The following SGCZ variants were observed in gnomAD, a reference collection of about 807,000 sequenced individuals.
The protein encoded by SGCZ is zeta-sarcoglycan.
A neutral mutation model predicts 41.3 loss-of-function variants in SGCZ; 40 were observed. The observed-to-expected ratio is 0.97, with a 90% CI of 0.75 to 1.26. The LOEUF is 1.26. Among genes scored for constraint, SGCZ ranks in the 50% most tolerant of loss-of-function variants. SGCZ has a pLI of 0.00. For missense variants in SGCZ, 552 were observed against 369.8 expected, an observed-to-expected ratio of 1.49 and a Z score of -4.04; for synonymous variants, 206 against 137.5, an observed-to-expected ratio of 1.50 and a Z score of -3.49.
intron 1 of SGCZ, among the ~76,000 whole-genome samples, chr8:15,236,420 T>C (rs1802120305): frequency 6.6e-6 from 1 of 151,320 alleles, no homozygotes; most frequent in South Asian, 2.1e-4. Context: ...AAACCTCTAT[T>C]CGTCGTTTCT....
chr8:14,723,054 A>G (rs1809940504), intron 1 of SGCZ, among the ~76,000 whole-genome samples: 1 of 152,152 alleles, frequency 6.6e-6, no homozygotes, highest in African/African-American at 2.4e-5. Context: ...GTTTATGTCC[A>G]TTTTGCTAGG....
intron 1 of SGCZ, among the ~76,000 whole-genome samples, chr8:14,787,147 T>G (rs1164481931): frequency 6.6e-6 from 1 of 152,096 alleles, no homozygotes. Context: ...AAGATCCCCA[T>G]GTGCAGAACT....
intron 1 of SGCZ, among the ~76,000 whole-genome samples, chr8:14,906,721 G>A (rs1206016004): frequency 1.3e-5 from 2 of 152,194 alleles, no homozygotes; most frequent in South Asian, 2.1e-4. Context: ...CTTGGCGTGA[G>A]GCACACACAG....
chr8:14,936,305 T>G (rs1800080693), intron 1 of SGCZ, among the ~76,000 whole-genome samples: 1 of 151,934 alleles, frequency 6.6e-6, no homozygotes, highest in Non-Finnish European at 1.5e-5. Flanking sequence ...TAAAATGCAT[T>G]TAATATGTCT....
intron 3 of SGCZ, among the ~76,000 whole-genome samples, chr8:14,299,156 A>G (rs938782865): frequency 6.6e-6 from 1 of 152,032 alleles, no homozygotes; most frequent in Non-Finnish European, 1.5e-5. Context: ...CCCTCAAACC[A>G]TGCACATCAA....
rs140288408 is a variant in SGCZ, at chr8:14,910,825, T to C, written c.39+326760A>G. 7.9e-5 allele frequency among the ~76,000 whole-genome samples: 12 copies of C among 152,066 alleles called. No individual in the cohort carries two copies. In the East Asian group the frequency reaches 2.3e-3, roughly 29 times the overall value. ...TATTCAGCTTGGCTTATATTGTACA[T>C]TCATATTCTTATTAAAAACCAGATG... On this transcript the variant is annotated intron_variant, in intron 1 of 7. Transcript: ENST00000382080.
intron 1 of SGCZ, among the ~76,000 whole-genome samples, chr8:14,606,320 A>C (rs1158565134): frequency 6.8e-6 from 1 of 146,990 alleles, no homozygotes; most frequent in Non-Finnish European, 1.5e-5. Flanking sequence ...TACACTCCTT[A>C]TTTGGTTCCT....
chr8:15,097,146 C>G (rs889816379), intron 1 of SGCZ, among the ~76,000 whole-genome samples: 1 of 152,128 alleles, frequency 6.6e-6, no homozygotes, highest in Admixed American at 6.5e-5. Context: ...AAGCTACAAA[C>G]TGTTTGGGCC....
intron 3 of SGCZ, among the ~76,000 whole-genome samples, chr8:14,251,346 C>A (rs76983255): frequency 1.3e-5 from 2 of 152,142 alleles, no homozygotes; most frequent in Non-Finnish European, 2.9e-5. Context: ...AGAGCAGGCA[C>A]CGGCCAACTT....
rs756519854 is a variant in SGCZ, at chr8:14,108,232, G to A, written c.551C>T (p.Thr184Ile). Residue 184 changes from threonine to isoleucine, a missense_variant, in exon 6 of 8, where the codon ACT becomes ATT. Coordinates refer to ENST00000382080, the MANE Select transcript of SGCZ (RefSeq NM_139167.4). Reference protein sequence around the residue: ...IGAEKLKVTGTEGAVFGHSVE... With the variant: ...IGAEKLKVTGIEGAVFGHSVE... ...AGAGTGCCCAAATACGGCTCCTTCA[G>A]TGCCTGGGGGTAGCATGAATATAGC... 6.2e-7 allele frequency: 1 copy of A among 1,614,068 alleles called. No individual in the cohort carries two copies. The highest frequency in any genetic ancestry group is 8.5e-7 in the Non-Finnish European group (1 of 1,179,984).
intron 1 of SGCZ, among the ~76,000 whole-genome samples, chr8:14,792,343 G>A (rs1036988549): frequency 4.0e-5 from 6 of 151,804 alleles, no homozygotes; most frequent in Admixed American, 1.3e-4. Flanking sequence ...TCCACATATC[G>A]CTCAGGCTGT....
chr8:14,405,273 G>A (rs1200363452), intron 2 of SGCZ, among the ~76,000 whole-genome samples: 1 of 152,086 alleles, frequency 6.6e-6, no homozygotes, highest in East Asian at 1.9e-4. Flanking sequence ...TAGTTTAATG[G>A]GATAGTTAAG....
intron 1 of SGCZ, among the ~76,000 whole-genome samples, chr8:14,922,693 G>C (rs538886945): frequency 6.6e-6 from 1 of 152,240 alleles, no homozygotes; most frequent in African/African-American, 2.4e-5. Flanking sequence ...ACTAGACCAA[G>C]GGATATAAAG....
chr8:14,209,283 G>A (rs1402728035), intron 4 of SGCZ, among the ~76,000 whole-genome samples: 2 of 152,112 alleles, frequency 1.3e-5, no homozygotes, highest in Non-Finnish European at 2.9e-5. Context: ...TCCATGGTGG[G>A]CCAGAATTCT....
chr8:14,123,052 C>A (rs962833614), intron 5 of SGCZ, among the ~76,000 whole-genome samples: 1 of 152,112 alleles, frequency 6.6e-6, no homozygotes, highest in Non-Finnish European at 1.5e-5. Flanking sequence ...ATAGTTCTGT[C>A]ACCAAGTGTT....
intron 1 of SGCZ, among the ~76,000 whole-genome samples, chr8:14,674,454 G>C (rs970817117): frequency 6.6e-6 from 1 of 152,220 alleles, no homozygotes; most frequent in Non-Finnish European, 1.5e-5. Context: ...ATATTATGTT[G>C]AACTGATCTT....
rs1440811031 is a variant in SGCZ, at chr8:14,268,050, A to G, written c.337-30371T>C. On this transcript the variant is annotated intron_variant, in intron 3 of 7. Coordinates refer to ENST00000382080, the MANE Select transcript of SGCZ (RefSeq NM_139167.4). The stretch of plus-strand genomic sequence containing the variant: ...TTATAGCCTAATTTACTTTTTCTTC[A>G]AAGTTTTGGGAAATTATGTTTACTG... Among the ~76,000 whole-genome samples the G allele has an allele frequency of 2.7e-5, 4 of 149,596 alleles. No individual in the cohort carries two copies. The Admixed American group carries it at 2.7e-4, about 10-fold the overall frequency.
chr8:14,345,797 G>A (rs1563270628), intron 2 of SGCZ, among the ~76,000 whole-genome samples: 1 of 152,114 alleles, frequency 6.6e-6, no homozygotes, highest in South Asian at 2.1e-4. Flanking sequence ...CCTAGATCAT[G>A]ATTCTAGACC....
At chr8:15,219,680 G>GAA (rs1801526915) in intron 1 of SGCZ, among the ~76,000 whole-genome samples, 4 of 152,112 alleles carry the variant, frequency 2.6e-5, no homozygotes, top group Non-Finnish European at 4.4e-5. Context: ...CCTCATCTAA[G>GAA]TGAATACAGA....
Sources: gnomAD v4.1 joint callset for allele counts (sites outside exome capture counted in the v4.1 genomes callset) on GRCh38, gnomAD v4.1.1 for gene constraint, MANE v1.5 for transcripts, NCBI Gene and HGNC (gene_info 2026-07-23, HGNC 2026-07-21) for gene names.